DNAJC24: variants seen among roughly 807,000 people sequenced by gnomAD.
DNAJC24 encodes the protein DnaJ heat shock protein family (Hsp40) member C24, also known as dnaJ homolog subfamily C member 24.
Under a neutral mutation model 18.0 loss-of-function variants are expected in DNAJC24, and 17 were observed. The ratio of observed to expected loss-of-function variants is 0.94; its 90% CI spans 0.65 to 1.42. DNAJC24 has a LOEUF of 1.42. DNAJC24 is among the 40% of genes most tolerant of loss of function. DNAJC24 has a pLI of 0.00. For synonymous variants in DNAJC24, 55 were observed against 57.7 expected, an observed-to-expected ratio of 0.95 and a Z score of 0.21; for missense variants, 158 against 175.6, an observed-to-expected ratio of 0.90 and a Z score of 0.57.
At chr11:31,399,739 C>CTTTTTTTTTTT (rs757871094) in intron 2 of DNAJC24, among the ~76,000 whole-genome samples, 19 of 97,048 alleles carry the variant, frequency 2.0e-4, no homozygotes, top group Non-Finnish European at 3.0e-4. Context: ...ACTGTTTTTT[C>CTTTTTTTTTTT]TTTTTTTTTT....
At chr11:31,386,077 A>G (rs936228088) in intron 2 of DNAJC24, among the ~76,000 whole-genome samples, 1 of 152,190 alleles carries the variant, frequency 6.6e-6, no homozygotes, top group Admixed American at 6.5e-5. Context: ...CAAGTTTTCT[A>G]TCCCAGAGGT....
intron 2 of DNAJC24, among the ~76,000 whole-genome samples, chr11:31,403,006 C>T (rs1356501967): frequency 6.6e-6 from 1 of 152,074 alleles, no homozygotes; most frequent in Non-Finnish European, 1.5e-5. Flanking sequence ...TGGCACATGA[C>T]GGTATTCTCT....
At chr11:31,397,927 C>T (rs1952559549) in intron 2 of DNAJC24, among the ~76,000 whole-genome samples, 2 of 151,832 alleles carry the variant, frequency 1.3e-5, no homozygotes, top group South Asian at 2.1e-4. Context: ...CTCAGCCTCC[C>T]GAGTAGTTGA....
At chr11:31,405,340 G>A (rs549947571) in intron 2 of DNAJC24, among the ~76,000 whole-genome samples, 1 of 151,584 alleles carries the variant, frequency 6.6e-6, no homozygotes, top group Non-Finnish European at 1.5e-5. Flanking sequence ...AAAGTGCTGG[G>A]ATTACAGGCA....
chr11:31,399,306 G>T (rs1439970841), intron 2 of DNAJC24, among the ~76,000 whole-genome samples: 2 of 151,996 alleles, frequency 1.3e-5, no homozygotes, highest in East Asian at 3.9e-4. Context: ...TTTTAAAAAA[G>T]GTTTTGCCAT....
intron 1 of DNAJC24, 138 bp from the exon 2 acceptor site, chr11:31,370,578 A>G (rs1016110560): frequency 4.4e-6 from 2 of 454,144 alleles, no homozygotes; most frequent in Non-Finnish European, 7.9e-6. Context: ...ATTTTAAATG[A>G]AAATCTGTGC....
intron 2 of DNAJC24, among the ~76,000 whole-genome samples, chr11:31,388,515 C>CA (rs892024306): frequency 1.1e-4 from 17 of 152,016 alleles, no homozygotes; most frequent in African/African-American, 4.1e-4. Flanking sequence ...GTATATCCAG[C>CA]AAAAAATATC....
chr11:31,426,400 A>G (rs758611326), intron 4 of DNAJC24, 45 bp downstream of exon 4: 9 of 1,138,096 alleles, frequency 7.9e-6, no homozygotes, highest in Non-Finnish European at 1.1e-5. Flanking sequence ...AAAAAAAGGA[A>G]TTTTCTATAA....
At chr11:31,418,099 C>T (rs1018191862) in intron 3 of DNAJC24, among the ~76,000 whole-genome samples, 1 of 152,014 alleles carries the variant, frequency 6.6e-6, no homozygotes, top group Non-Finnish European at 1.5e-5. Context: ...TTATACATTT[C>T]GAAAGCAATG....
chr11:31,421,779 G>A (rs1056684986), intron 3 of DNAJC24, among the ~76,000 whole-genome samples: 3 of 152,076 alleles, frequency 2.0e-5, no homozygotes, highest in African/African-American at 4.8e-5. Context: ...CCATTGTCTT[G>A]TAAGAAGTAA....
chr11:31,401,375 T>G (rs931407800), intron 2 of DNAJC24, among the ~76,000 whole-genome samples: 1 of 152,136 alleles, frequency 6.6e-6, no homozygotes, highest in Non-Finnish European at 1.5e-5. Flanking sequence ...CTTTAGCCTC[T>G]TCTCTCTCTT....
At chr11:31,422,619 A>G (rs1295797914) in intron 3 of DNAJC24, among the ~76,000 whole-genome samples, 2 of 152,188 alleles carry the variant, frequency 1.3e-5, no homozygotes, top group Non-Finnish European at 2.9e-5. Context: ...CAAGAGAAAA[A>G]TATGCAATAC....
At chr11:31,388,306 C>T (rs1952451325) in intron 2 of DNAJC24, among the ~76,000 whole-genome samples, 1 of 152,060 alleles carries the variant, frequency 6.6e-6, no homozygotes, top group South Asian at 2.1e-4. Context: ...AAGACTACCT[C>T]AAGATATTTA....
At chr11:31,376,155 T>C (rs479005) in intron 2 of DNAJC24, among the ~76,000 whole-genome samples, 58,911 of 151,766 alleles carry the variant, frequency 0.39, 11,896 homozygotes, top group African/African-American at 0.47. Context: ...GCTTGGCTCT[T>C]ATTCTCTCTT....
At position 31,431,793 on chromosome 11, in the gene DNAJC24, C is replaced by G. The variant is rs944855189; in HGVS notation, c.*1392C>G. The G allele has an allele frequency of 4.0e-5, 6 of 151,070 alleles. No individual in the cohort carries two copies. The highest frequency in any genetic ancestry group is 8.8e-5 in the Non-Finnish European group (6 of 67,824). 9.4% of individuals were successfully genotyped at this position (151,070 alleles called of 1,614,324 possible). On this transcript the variant is annotated 3_prime_UTR_variant, in exon 5 of 5. Coordinates refer to ENST00000465995, the MANE Select transcript of DNAJC24 (RefSeq NM_181706.5). ...TGCCACTGCACTGCAGCCTGGGCTACAGAGAGCAAGACTCTGTCTCAAAAA... is the reference window on the plus strand; with the variant it reads ...TGCCACTGCACTGCAGCCTGGGCTAGAGAGAGCAAGACTCTGTCTCAAAAA...
chr11:31,394,839 G>A (rs1232506163), intron 2 of DNAJC24, among the ~76,000 whole-genome samples: 1 of 151,528 alleles, frequency 6.6e-6, no homozygotes, highest in East Asian at 1.9e-4. Flanking sequence ...TGATATGAAG[G>A]TAAAAGCAAA....
chr11:31,380,066 G>A (rs1233475664), intron 2 of DNAJC24, among the ~76,000 whole-genome samples: 2 of 152,128 alleles, frequency 1.3e-5, no homozygotes, highest in South Asian at 2.1e-4. Flanking sequence ...CACTGTGCCC[G>A]GCTGAAAGAA....
At chr11:31,426,423 C>G in intron 4 of DNAJC24, 68 bp downstream of exon 4, 1 of 864,828 alleles carries the variant, frequency 1.2e-6, no homozygotes, top group Non-Finnish European at 1.8e-6. Context: ...AAAAAAAACT[C>G]ATTGGATATT....
chr11:31,394,783 G>A (rs1952529665), intron 2 of DNAJC24, among the ~76,000 whole-genome samples: 1 of 151,756 alleles, frequency 6.6e-6, no homozygotes, highest in Non-Finnish European at 1.5e-5. Flanking sequence ...TAAAAAGTTA[G>A]GAAAAGGAAA....
Sources: gnomAD v4.1 joint callset for allele counts (sites outside exome capture counted in the v4.1 genomes callset) on GRCh38, gnomAD v4.1.1 for gene constraint, MANE v1.5 for transcripts, NCBI Gene and HGNC (gene_info 2026-07-23, HGNC 2026-07-21) for gene names.